SPMIP7: variants seen among roughly 807,000 people sequenced by gnomAD.
The protein encoded by SPMIP7 is sperm microtubule inner protein 7.
At chr7:50,125,695 A>T in the SPMIP7 span, among the ~76,000 whole-genome samples, 1 of 151,860 alleles carries the variant, frequency 6.6e-6, no homozygotes, top group East Asian at 1.9e-4. Flanking sequence ...GATGAACCTG[A>T]AGGACATTGT....
the SPMIP7 span, among the ~76,000 whole-genome samples, chr7:50,154,407 G>A: frequency 1.3e-5 from 2 of 152,132 alleles, no homozygotes; most frequent in African/African-American, 4.8e-5. Context: ...ACCCCCCACC[G>A]AATCCCTCAT....
At chr7:50,159,080 C>T in the SPMIP7 span, 1 of 1,551,836 alleles carries the variant, frequency 6.4e-7, no homozygotes, top group Non-Finnish European at 8.7e-7. Flanking sequence ...TGACCTCTTC[C>T]GTCACCAGGC....
the SPMIP7 span, among the ~76,000 whole-genome samples, chr7:50,147,587 T>C: frequency 1.3e-5 from 2 of 152,236 alleles, no homozygotes; most frequent in East Asian, 1.9e-4. Context: ...GCCTAAATTT[T>C]ATGCACATAT....
chr7:50,103,603 T>C, the SPMIP7 span, among the ~76,000 whole-genome samples: 1 of 152,212 alleles, frequency 6.6e-6, no homozygotes, highest in African/African-American at 2.4e-5. Flanking sequence ...GCACATACTG[T>C]TTCCATTCCT....
chr7:50,142,355 A>G, the SPMIP7 span: 1 of 152,226 alleles, frequency 6.6e-6, no homozygotes, highest in Non-Finnish European at 1.5e-5. Context: ...CATTTTAAAG[A>G]TTTGGTGTAA....
the SPMIP7 span, chr7:50,141,622 G>A: frequency 2.6e-6 from 1 of 389,456 alleles, no homozygotes; most frequent in Non-Finnish European, 4.8e-6. Flanking sequence ...TTCTTCATCT[G>A]AAACTTGTGA....
chr7:50,143,647 G>T, the SPMIP7 span, among the ~76,000 whole-genome samples: 1 of 152,126 alleles, frequency 6.6e-6, no homozygotes, highest in Non-Finnish European at 1.5e-5. Context: ...GGTAGTGATT[G>T]TGCTAATAGC....
chr7:50,144,640 A>G, the SPMIP7 span, among the ~76,000 whole-genome samples: 1 of 152,172 alleles, frequency 6.6e-6, no homozygotes, highest in Non-Finnish European at 1.5e-5. Context: ...TCTTATTAAA[A>G]TTATTTTTGA....
At chr7:50,125,585 GGTGTGT>G in the SPMIP7 span, among the ~76,000 whole-genome samples, 2,699 of 140,856 alleles carry the variant, frequency 0.019, 36 homozygotes, top group Non-Finnish European at 0.027. Context: ...AAGAAAATAT[GGTGTGT>G]GTGTGTGTGT....
chr7:50,117,885 AG>A, the SPMIP7 span, among the ~76,000 whole-genome samples: 1 of 152,202 alleles, frequency 6.6e-6, no homozygotes, highest in Non-Finnish European at 1.5e-5. Context: ...AGAAACAAAG[AG>A]GGGGACCCCC....
the SPMIP7 span, among the ~76,000 whole-genome samples, chr7:50,155,005 C>A: frequency 4.6e-5 from 7 of 152,168 alleles, no homozygotes; most frequent in Non-Finnish European, 1.5e-5. Flanking sequence ...CATGCCTGTT[C>A]AGGTCCTTTG....
the SPMIP7 span, chr7:50,159,245 T>C: frequency 6.8e-7 from 1 of 1,473,428 alleles, no homozygotes. Context: ...TAAAGGCTGC[T>C]TCTCCGCGCT....
chr7:50,127,252 C>A, the SPMIP7 span, among the ~76,000 whole-genome samples: 1 of 151,928 alleles, frequency 6.6e-6, no homozygotes, highest in Non-Finnish European at 1.5e-5. Flanking sequence ...ACACAAAAAT[C>A]AAGTCAAAAT....
chr7:50,125,185 CATATATACACATATATATACACAT>C, the SPMIP7 span, among the ~76,000 whole-genome samples: 15,103 of 53,562 alleles, frequency 0.28, 2,506 homozygotes, highest in Non-Finnish European at 0.34. Flanking sequence ...TATATATACA[CATATATACACATATATATACACAT>C]ATATATACAC....
the SPMIP7 span, among the ~76,000 whole-genome samples, chr7:50,107,697 A>G: frequency 6.6e-6 from 1 of 152,176 alleles, no homozygotes; most frequent in Non-Finnish European, 1.5e-5. Flanking sequence ...AAGCTAAGAT[A>G]CGATTTTTAT....
chr7:50,130,866 A>C, the SPMIP7 span, among the ~76,000 whole-genome samples: 1 of 152,268 alleles, frequency 6.6e-6, no homozygotes, highest in African/African-American at 2.4e-5. Context: ...AAGGAAGAAC[A>C]AAAGGCCAGG....
At chr7:50,140,435 TTC>T in the SPMIP7 span, among the ~76,000 whole-genome samples, 1 of 152,180 alleles carries the variant, frequency 6.6e-6, no homozygotes, top group African/African-American at 2.4e-5. Context: ...AGTGGTATTT[TTC>T]TGTTTTTCCA....
chr7:50,114,407 T>A, the SPMIP7 span, among the ~76,000 whole-genome samples: 2 of 152,134 alleles, frequency 1.3e-5, no homozygotes, highest in African/African-American at 2.4e-5. Flanking sequence ...TAAATTTTTT[T>A]ACACTATTTT....
the SPMIP7 span, among the ~76,000 whole-genome samples, chr7:50,152,343 TA>T: frequency 1.5e-3 from 223 of 149,720 alleles, 1 homozygote; most frequent in African/African-American, 5.0e-3. Flanking sequence ...AGACTCCATC[TA>T]AAAAAAAAAT....
Sources: allele counts gnomAD v4.1 joint callset (sites outside exome capture counted in the v4.1 genomes callset), GRCh38; gene constraint gnomAD v4.1.1; transcripts MANE v1.5; gene names NCBI Gene and HGNC (gene_info 2026-07-23, HGNC 2026-07-21).